The following CCDC149 variants were observed in gnomAD, a reference collection of about 807,000 sequenced individuals.
CCDC149 encodes the protein coiled-coil domain containing 149.
Under a neutral mutation model 59.9 loss-of-function variants are expected in CCDC149, and 45 were observed. That is an observed-to-expected ratio of 0.75 (90% CI 0.59 to 0.96). CCDC149 has a LOEUF of 0.96. Ranked by LOEUF, CCDC149 falls within the 40% of genes least tolerant of loss-of-function variation. CCDC149 has a pLI of 0.00. For synonymous variants in CCDC149, 245 were observed against 260.6 expected, an observed-to-expected ratio of 0.94 and a Z score of 0.58; for missense variants, 584 against 664.7, an observed-to-expected ratio of 0.88 and a Z score of 1.33.
chr4:24,847,193 A>G (rs1179673558), intron 4 of CCDC149, among the ~76,000 whole-genome samples: 1 of 152,204 alleles, frequency 6.6e-6, no homozygotes, highest in African/African-American at 2.4e-5. Context: ...TGATCAATAG[A>G]GAGGAAGATC....
intron 1 of CCDC149, among the ~76,000 whole-genome samples, chr4:24,927,417 A>G (rs537473999): frequency 1.3e-5 from 2 of 152,256 alleles, no homozygotes; most frequent in South Asian, 2.1e-4. Flanking sequence ...GCATAAATAT[A>G]TGTTTTCCAT....
chr4:24,831,511 G>A lies in CCDC149; in HGVS notation c.960C>T (p.Thr320=), dbSNP rs1159269353. The A allele has an allele frequency of 2.5e-6, 4 of 1,613,682 alleles. No homozygotes were observed. Among genetic ancestry groups the A allele is most frequent in the East Asian group, 4.5e-5 (2 of 44,864 alleles). The change falls in exon 9 of 13, where the codon ACC becomes ACT. Residue 320 remains threonine (T), a synonymous_variant. Transcript: ENST00000635206. ...ACAAGAGTTTGGCCACCTACTTGTT[G>A]GTTTGCCTCTGGTGCTGAATGACCA...
intron 1 of CCDC149, among the ~76,000 whole-genome samples, chr4:24,905,576 C>T (rs1336430953): frequency 7.3e-6 from 1 of 137,518 alleles, no homozygotes; most frequent in African/African-American, 2.5e-5. Context: ...GCTGGGACTA[C>T]AAGCGCGTGC....
chr4:24,812,662 C>G (rs1714699597), intron 12 of CCDC149, among the ~76,000 whole-genome samples: 1 of 152,180 alleles, frequency 6.6e-6, no homozygotes. Context: ...TAAAGACATA[C>G]CCAAGACTGG....
At chr4:24,968,625 G>A (rs1467085145) in intron 1 of CCDC149, among the ~76,000 whole-genome samples, 1 of 152,232 alleles carries the variant, frequency 6.6e-6, no homozygotes, top group African/African-American at 2.4e-5. Context: ...ATGGTACAAA[G>A]ATGGGTCTAG....
At chr4:24,871,372 G>C (rs1380311216) in intron 3 of CCDC149, among the ~76,000 whole-genome samples, 1 of 152,172 alleles carries the variant, frequency 6.6e-6, no homozygotes, top group African/African-American at 2.4e-5. Context: ...TGCTGGGTTA[G>C]CCACGACAGC....
At chr4:24,882,311 A>T (rs2109262902) in intron 1 of CCDC149, among the ~76,000 whole-genome samples, 1 of 152,318 alleles carries the variant, frequency 6.6e-6, no homozygotes, top group African/African-American at 2.4e-5. Flanking sequence ...GACAAACTAA[A>T]GGGCCTCAGA....
At chr4:24,971,170 C>G (rs559686332) in intron 1 of CCDC149, among the ~76,000 whole-genome samples, 1 of 152,290 alleles carries the variant, frequency 6.6e-6, no homozygotes, top group South Asian at 2.1e-4. Flanking sequence ...TACTGACGAC[C>G]CCCTACAGAG....
intron 1 of CCDC149, among the ~76,000 whole-genome samples, chr4:24,931,849 A>ATATATATATACATG (rs1253209128): frequency 6.9e-6 from 1 of 143,988 alleles, no homozygotes; most frequent in African/African-American, 2.6e-5. Context: ...ATATATATAT[A>ATATATATATACATG]TATGCATAAT....
At chr4:24,879,928 T>C (rs147316986) in intron 1 of CCDC149, among the ~76,000 whole-genome samples, 249 of 152,266 alleles carry the variant, frequency 1.6e-3, no homozygotes, top group African/African-American at 5.7e-3. Context: ...CCAACTAAAA[T>C]GGTCTGGAGG....
chr4:24,908,633 G>A (rs1253759212), intron 1 of CCDC149, among the ~76,000 whole-genome samples: 5 of 152,180 alleles, frequency 3.3e-5, no homozygotes, highest in Non-Finnish European at 7.3e-5. Flanking sequence ...CCAGGAGATG[G>A]AGGCTGAAGT....
At chr4:24,960,243 C>CA (rs1410376496) in intron 1 of CCDC149, among the ~76,000 whole-genome samples, 1 of 151,716 alleles carries the variant, frequency 6.6e-6, no homozygotes, top group Non-Finnish European at 1.5e-5. Context: ...ACTCCTAAAA[C>CA]AAAAAAGATA....
intron 1 of CCDC149, among the ~76,000 whole-genome samples, chr4:24,948,742 C>T (rs1047168414): frequency 1.3e-5 from 2 of 152,120 alleles, no homozygotes; most frequent in African/African-American, 2.4e-5. Context: ...GTGTCCCCAC[C>T]CAAATCTTGA....
chr4:24,804,793 C>G (rs1354994733), downstream of CCDC149, among the ~76,000 whole-genome samples: 1 of 152,152 alleles, frequency 6.6e-6, no homozygotes, highest in African/African-American at 2.4e-5. Flanking sequence ...GAGCCCTTTT[C>G]TAGCACTTTG....
intron 1 of CCDC149, among the ~76,000 whole-genome samples, chr4:24,944,551 T>TA (rs113726424): frequency 3.6e-4 from 45 of 126,572 alleles, no homozygotes; most frequent in South Asian, 1.1e-3. Context: ...AAGTATAATT[T>TA]AAAAAAAAAA....
chr4:24,916,948 A>T (rs1722138921), upstream of CCDC149, among the ~76,000 whole-genome samples: 1 of 152,082 alleles, frequency 6.6e-6, no homozygotes, highest in Non-Finnish European at 1.5e-5. Flanking sequence ...CAGGATCAGG[A>T]GACTGCAGGT....
chr4:24,863,643 A>C (rs1718513432), intron 3 of CCDC149, among the ~76,000 whole-genome samples: 1 of 152,178 alleles, frequency 6.6e-6, no homozygotes, highest in South Asian at 2.1e-4. Flanking sequence ...ATAGCTCCTT[A>C]CTCTAAAGCC....
chr4:24,903,024 CAAAAAA>C (rs10646050), intron 1 of CCDC149, among the ~76,000 whole-genome samples: 52 of 52,494 alleles, frequency 9.9e-4, no homozygotes, highest in South Asian at 7.1e-3. Context: ...GAGTCTAACT[CAAAAAA>C]AAAAAAAAAA....
Position 24,808,311 on chromosome 4 carries a change from G to A in CCDC149, c.*78C>T, listed in dbSNP as rs1420310812. ...GAGGTATTTCAGGAGAAGGCGACGT[G>A]AGCGCACCATTCCGATGCTTCATTC... is the stretch of plus-strand genomic sequence containing the variant. On this transcript the variant is annotated 3_prime_UTR_variant, in exon 13 of 13. Coordinates refer to ENST00000635206, the MANE Select transcript of CCDC149 (RefSeq NM_001330643.2). The A allele has an allele frequency of 3.0e-6, 4 of 1,314,122 alleles. No homozygotes were observed. Among genetic ancestry groups the A allele is most frequent in the Non-Finnish European group, 4.0e-6 (4 of 998,726 alleles). 81.4% of individuals were successfully genotyped at this position (1,314,122 alleles called of 1,614,324 possible).
Sources: gnomAD v4.1 joint callset for allele counts (sites outside exome capture counted in the v4.1 genomes callset) on GRCh38, gnomAD v4.1.1 for gene constraint, MANE v1.5 for transcripts, NCBI Gene and HGNC (gene_info 2026-07-23, HGNC 2026-07-21) for gene names.